C1orf232: variants seen among roughly 807,000 people sequenced by gnomAD.
C1orf232 encodes the protein chromosome 1 open reading frame 230.
In C1orf232, 10 loss-of-function variants were observed where a neutral mutation model predicts 12.1. The ratio of observed to expected loss-of-function variants is 0.82; its 90% CI spans 0.51 to 1.40. The LOEUF (loss-of-function observed/expected upper bound fraction) is 1.40, where lower values mean the gene tolerates loss of function less well. Ranked by LOEUF, C1orf232 falls within the 40% of genes most tolerant of loss-of-function variation. The pLI, the probability that C1orf232 is intolerant of heterozygous loss-of-function variation, is 0.00. For synonymous variants in C1orf232, 36 were observed against 39.8 expected, an observed-to-expected ratio of 0.90 and a Z score of 0.36; for missense variants, 88 against 98.4, an observed-to-expected ratio of 0.89 and a Z score of 0.45.
rs1052532937 is a variant in C1orf232, at chr1:26,165,932, G to T, written c.169-9C>A. ...ACCCCGACCCCCTGAACCTGGGAAA[G>T]GGGTTGGGAGTCAGGGAGGGGGTCC... On this transcript the variant is annotated splice_polypyrimidine_tract_variant and intron_variant, in intron 2 of 3. Transcript: ENST00000634842. The T allele has an allele frequency of 1.6e-6, 2 of 1,231,618 alleles. No individual in the cohort carries two copies. Among genetic ancestry groups the T allele is most frequent in the Non-Finnish European group, 2.0e-6 (2 of 987,978 alleles). The allele number at this position is 1,231,618 out of a possible 1,614,324, so 76.3% of individuals were successfully genotyped here. A position where few individuals can be genotyped will look rare whatever the true frequency, so the allele number is the denominator to read the frequency against.
chr1:26,166,087 G>C lies in C1orf232; in HGVS notation c.116C>G (p.Thr39Arg), dbSNP rs2124494721. 1 of 1,231,674 alleles carries C rather than the reference G, an allele frequency of 8.1e-7. No homozygotes were observed. Among genetic ancestry groups the C allele is most frequent in the Non-Finnish European group, 1.0e-6 (1 of 987,978 alleles). 76.3% of individuals were successfully genotyped at this position (1,231,674 alleles called of 1,614,324 possible). Residue 39 changes from threonine (T) to arginine (R), a missense_variant, in exon 2 of 4, where the codon ACA becomes AGA. Thr to Arg is a moderately conservative substitution (Grantham distance 71). Transcript: ENST00000634842. The stretch of plus-strand genomic sequence containing the variant: ...GAAGGTCTCCTCGGTCGGTTCTGCT[G>C]TCTCAGACCCCACTAATGCTGGGTT... ...RENPALVGSE[T>R]AEPTEETFNP...
At chr1:26,167,927 C>A (rs2088442896) in intron 1 of C1orf232, among the ~76,000 whole-genome samples, 1 of 152,148 alleles carries the variant, frequency 6.6e-6, no homozygotes, top group South Asian at 2.1e-4. Flanking sequence ...CCCGGCCCAG[C>A]CTGTTTTTTG....
intron 1 of C1orf232, among the ~76,000 whole-genome samples, chr1:26,167,362 T>C (rs1270288390): frequency 6.6e-6 from 1 of 152,192 alleles, no homozygotes; most frequent in Non-Finnish European, 1.5e-5. Context: ...TCTAATTTTG[T>C]ATTTTTTTGT....
Position 26,164,498 on chromosome 1 carries a change from C to A in C1orf232, c.267-43G>T. The A allele has an allele frequency of 2.7e-6, 1 of 374,104 alleles. No individual in the cohort carries two copies. Among genetic ancestry groups the A allele is most frequent in the South Asian group, 1.3e-4 (1 of 7,644 alleles). The allele number at this position is 374,104 out of a possible 1,614,324, so 23.2% of individuals were successfully genotyped here. A position where few individuals can be genotyped will look rare whatever the true frequency, so the allele number is the denominator to read the frequency against. On this transcript the variant is annotated intron_variant, in intron 3 of 3. Transcript: ENST00000634842. This position sits in a 1 kb window ranked among gnomAD's most constrained non-coding sequence, Gnocchi z 4.2. Reference sequence around the variant, plus strand: ...GGTCAGGGAAGCGGCCGGGCGGTCCCGCGGAGGAACATCGGCTGGGCTGAC... The same window carrying A: ...GGTCAGGGAAGCGGCCGGGCGGTCCAGCGGAGGAACATCGGCTGGGCTGAC...
At chr1:26,165,017 T>G (rs1569855520) in intron 3 of C1orf232, among the ~76,000 whole-genome samples, 1 of 137,016 alleles carries the variant, frequency 7.3e-6, no homozygotes, top group African/African-American at 2.8e-5. Context: ...TCAAGAGAAG[T>G]GGGAAGATGT....
Position 26,164,611 on chromosome 1 carries a change from C to T in C1orf232, c.267-156G>A, listed in dbSNP as rs2088405493. Among the ~76,000 whole-genome samples the T allele has an allele frequency of 6.7e-6, 1 of 149,980 alleles. No individual in the cohort carries two copies. Among genetic ancestry groups the T allele is most frequent in the Non-Finnish European group, 1.5e-5 (1 of 67,638 alleles). ...TCAGGTGACCAGTGGGGGACCGGGA[C>T]GAGGAGGAGGGTCAGGGCCTGGAGG... On this transcript the variant is annotated intron_variant, in intron 3 of 3. Coordinates refer to ENST00000634842, the MANE Select transcript of C1orf232 (RefSeq NM_001364669.2). The surrounding 1 kb of genome is among the most constrained non-coding windows in gnomAD (Gnocchi z 4.2).
chr1:26,166,023 G>A lies in C1orf232; in HGVS notation c.168+12C>T. ...TGCCCAGGGTTGGGGTGGAAGAAGG[G>A]AGAATACTCACCCGGCGGGCCAGCT... On this transcript the variant is annotated intron_variant, in intron 2 of 3. Coordinates refer to ENST00000634842, the MANE Select transcript of C1orf232 (RefSeq NM_001364669.2). 1 of 1,231,706 alleles carries A rather than the reference G, an allele frequency of 8.1e-7. No homozygotes were observed. The highest frequency in any genetic ancestry group is 1.0e-6 in the Non-Finnish European group (1 of 987,992). 76.3% of individuals were successfully genotyped at this position (1,231,706 alleles called of 1,614,324 possible).
chr1:26,165,705 C>T (rs2088417909), intron 3 of C1orf232, 121 bp downstream of exon 3: 2 of 1,230,536 alleles, frequency 1.6e-6, no homozygotes, highest in Non-Finnish European at 2.0e-6. Flanking sequence ...CAGAAACAGC[C>T]TGGGACTGCC....
intron 1 of C1orf232, 21 bp downstream of exon 1, chr1:26,168,395 C>G (rs3762459): frequency 0.33 from 405,717 of 1,229,396 alleles, 71,359 homozygotes; most frequent in East Asian, 0.67. Context: ...GCTCCACCCA[C>G]CATGCATGGA....
At position 26,168,405 on chromosome 1, in the gene C1orf232, A is replaced by C; in HGVS notation, c.84+11T>G. ...CACATGCTCCACCCACCATGCATGG[A>C]TGGCACCCACCTCCTCTGCCAGGTC... On this transcript the variant is annotated intron_variant, in intron 1 of 3. Transcript: ENST00000634842. 8.1e-7 allele frequency: 1 copy of C among 1,231,456 alleles called. No individual in the cohort carries two copies. The highest frequency in any genetic ancestry group is 1.0e-6 in the Non-Finnish European group (1 of 987,688). 76.3% of individuals were successfully genotyped at this position (1,231,456 alleles called of 1,614,324 possible).
intron 3 of C1orf232, 171 bp downstream of exon 3, chr1:26,165,655 C>T (rs1205569802): frequency 1.8e-6 from 2 of 1,142,460 alleles, no homozygotes; most frequent in Middle Eastern, 6.6e-4. Flanking sequence ...ACCCTAATCT[C>T]CCAGATATGC....
intron 1 of C1orf232, among the ~76,000 whole-genome samples, chr1:26,168,188 T>A (rs972405572): frequency 1.3e-5 from 2 of 152,194 alleles, no homozygotes; most frequent in African/African-American, 4.8e-5. Flanking sequence ...CTCGAGATCT[T>A]TGGAGACAGT....
At chr1:26,165,707 G>C in intron 3 of C1orf232, 119 bp downstream of exon 3, 1 of 1,230,486 alleles carries the variant, frequency 8.1e-7, no homozygotes, top group Non-Finnish European at 1.0e-6. Context: ...GAAACAGCCT[G>C]GGACTGCCCC....
rs1002445938 is a variant in C1orf232 at position 26,166,149 on chromosome 1, A to C, written c.85-31T>G. The C allele has an allele frequency of 2.4e-6, 3 of 1,227,312 alleles. No homozygotes were observed. In the African/African-American group the frequency reaches 4.7e-5, roughly 19 times the overall value. 76.0% of individuals were successfully genotyped at this position (1,227,312 alleles called of 1,614,324 possible). Reference sequence around the variant, plus strand: ...ACACAAGACCCCCACACAGCATGAGAGAGGCCGCAGAGGAGTGAGATCTCC... The same window carrying C: ...ACACAAGACCCCCACACAGCATGAGCGAGGCCGCAGAGGAGTGAGATCTCC... On this transcript the variant is annotated intron_variant, in intron 1 of 3. Transcript: ENST00000634842.
intron 1 of C1orf232, 24 bp downstream of exon 1, chr1:26,168,392 C>T (rs1406377496): frequency 8.1e-7 from 1 of 1,228,590 alleles, no homozygotes; most frequent in Non-Finnish European, 1.0e-6. Flanking sequence ...CATGCTCCAC[C>T]CACCATGCAT....
intron 2 of C1orf232, 52 bp downstream of exon 2, chr1:26,165,983 A>G: frequency 1.6e-6 from 2 of 1,231,532 alleles, no homozygotes; most frequent in Non-Finnish European, 2.0e-6. Flanking sequence ...GACTCCACAG[A>G]AGCCTCTGCC....
In C1orf232 at chr1:26,164,399, G is replaced by A; in HGVS notation, c.323C>T (p.Pro108Leu). ...GCTGGCGAACGCGTCCCAGAAGCCC[G>A]GGCCGCGCGCCTCCGCCGCCGCCGC... ...QAAAAAEARG[P>L]GFWDAFASRW... is the part of the protein sequence containing the mutation. The change falls in exon 4 of 4, where the codon CCG (proline) becomes CTG (leucine). Residue 108 changes from proline to leucine, a missense_variant. By Grantham distance (98) the Pro-to-Leu change is moderately conservative (BLOSUM62 -3). Transcript: ENST00000634842. The surrounding 1 kb of genome is among the most constrained non-coding windows in gnomAD (Gnocchi z 4.2). 1 of 387,572 alleles carries A rather than the reference G, an allele frequency of 2.6e-6. No individual in the cohort carries two copies. 24.0% of individuals were successfully genotyped at this position (387,572 alleles called of 1,614,324 possible). A position where few individuals can be genotyped will look rare whatever the true frequency, so the allele number is the denominator to read the frequency against.
rs1268240269 is a variant in C1orf232 at position 26,164,326 on chromosome 1, G to A, written c.396C>T (p.Thr132=). The change falls in exon 4 of 4, where the codon ACC becomes ACT. Residue 132 remains threonine, a synonymous_variant. Transcript: ENST00000634842. The surrounding 1 kb of genome is among the most constrained non-coding windows in gnomAD (Gnocchi z 4.2). ...CGGGGTCCGGCTCCGGAGTGGGCTC[G>A]GTGCCGCGCAGCATGGACGCCGCCG... The part of the protein sequence containing the change: ...QAAAASMLRG[T]EPTPEPDPEP... 1.5e-5 allele frequency: 6 copies of A among 397,186 alleles called. No individual in the cohort carries two copies. The highest frequency in any genetic ancestry group is 2.7e-5 in the Non-Finnish European group (6 of 225,190). 24.6% of individuals were successfully genotyped at this position (397,186 alleles called of 1,614,324 possible).
rs2088407894 is a variant in C1orf232, at chr1:26,164,794, G to C, written c.267-339C>G. 6.6e-6 allele frequency among the ~76,000 whole-genome samples: 1 copy of C among 152,136 alleles called. No homozygotes were observed. The highest frequency in any genetic ancestry group is 1.5e-5 in the Non-Finnish European group (1 of 68,038). On this transcript the variant is annotated intron_variant, in intron 3 of 3. Transcript: ENST00000634842. This position sits in a 1 kb window ranked among gnomAD's most constrained non-coding sequence, Gnocchi z 4.2. ...AGGCTCGAGGAGGGACGCTGGAGGC[G>C]TGCGCAGGTCTGGGAAGCTGGAAGG...
Sources: gnomAD v4.1 joint callset for allele counts (sites outside exome capture counted in the v4.1 genomes callset) on GRCh38, gnomAD v4.1.1 for gene constraint, Gnocchi (gnomAD v3.1) non-coding constraint, MANE v1.5 for transcripts, NCBI Gene and HGNC (gene_info 2026-07-23, HGNC 2026-07-21) for gene names.